Variants in POLK observed in about 807,000 individuals in gnomAD.
The protein encoded by POLK is polymerase (DNA directed) kappa.
In POLK, 76 loss-of-function variants were observed where a neutral mutation model predicts 94.0. The observed-to-expected ratio is 0.81, with a 90% CI of 0.67 to 0.98. POLK has a LOEUF of 0.98. Among genes scored for constraint, POLK ranks in the 50% least tolerant of loss-of-function variants. The pLI, the probability that POLK is intolerant of heterozygous loss-of-function variation, is 0.00. For synonymous variants in POLK, 349 were observed against 325.4 expected (o/e 1.07, Z -0.78); for missense variants, 954 against 1,010.1 (o/e 0.94, Z 0.75).
rs149007164 is a variant in POLK at position 75,566,983 on chromosome 5, G to T, written c.256-2357G>T. Among the ~76,000 whole-genome samples, 365 of 152,276 alleles carry T rather than the reference G, an allele frequency of 2.4e-3. 2 individuals carry two copies. Among genetic ancestry groups the T allele is most frequent in the Non-Finnish European group, 4.1e-3 (280 of 68,024 alleles). The stretch of plus-strand genomic sequence containing the variant: ...GAAGAAACTTTTAAAAGCAGTAGTG[G>T]CATGCATCTGGTTGATGTAGAAAGA... On this transcript the variant is annotated intron_variant, in intron 3 of 14. Coordinates refer to ENST00000241436, the Ensembl canonical transcript of POLK.
At chr5:75,574,012 T>C in intron 5 of POLK, 143 bp downstream of exon 5, 1 of 675,800 alleles carries the variant, frequency 1.5e-6, no homozygotes, top group South Asian at 1.8e-5. Context: ...TCAGCTTGTA[T>C]ATTGAATACT....
intron 2 of POLK, among the ~76,000 whole-genome samples, chr5:75,549,967 A>C (rs1770253377): frequency 6.6e-6 from 1 of 152,188 alleles, no homozygotes; most frequent in African/African-American, 2.4e-5. Context: ...CTATATAATA[A>C]GGAAATAAAT....
chr5:75,541,320 A>G (rs1769730167), intron 1 of POLK, among the ~76,000 whole-genome samples: 1 of 152,024 alleles, frequency 6.6e-6, no homozygotes, highest in African/African-American at 2.4e-5. Flanking sequence ...AAAAAACAAA[A>G]ACAAAAACTT....
chr5:75,592,997 A>G (rs1175416710), intron 11 of POLK, among the ~76,000 whole-genome samples: 2 of 152,176 alleles, frequency 1.3e-5, no homozygotes. Flanking sequence ...TCAAAGCTGC[A>G]GTGAGCCACG....
At chr5:75,585,804 C>T (rs950030995) in intron 9 of POLK, among the ~76,000 whole-genome samples, 3 of 152,182 alleles carry the variant, frequency 2.0e-5, no homozygotes, top group Non-Finnish European at 4.4e-5. Context: ...CTCAAAATGA[C>T]TCCTTTATAT....
intron 1 of POLK, among the ~76,000 whole-genome samples, chr5:75,532,119 G>C (rs140318893): frequency 6.6e-6 from 1 of 152,126 alleles, no homozygotes; most frequent in East Asian, 1.9e-4. Flanking sequence ...TAGGTTCAGG[G>C]GTACATGTAC....
chr5:75,585,666 C>T (rs575428542), intron 9 of POLK, among the ~76,000 whole-genome samples: 1 of 152,052 alleles, frequency 6.6e-6, no homozygotes, highest in South Asian at 2.1e-4. Context: ...AAAGAGGAAC[C>T]CTAGAGGTAG....
At chr5:75,529,043 C>T (rs1325993454) in intron 1 of POLK, among the ~76,000 whole-genome samples, 4 of 152,068 alleles carry the variant, frequency 2.6e-5, no homozygotes, top group African/African-American at 9.7e-5. Flanking sequence ...CTGTAGATTC[C>T]TTAGAATACC....
chr5:75,569,196 G>GATGGATGA (rs1409220507), intron 3 of POLK, 144 bp from the exon 4 acceptor site: 1 of 595,432 alleles, frequency 1.7e-6, no homozygotes, highest in Non-Finnish European at 2.9e-6. Context: ...TGGATGGGTG[G>GATGGATGA]ATGGATGAAT....
intron 1 of POLK, among the ~76,000 whole-genome samples, chr5:75,539,616 C>T (rs1769632919): frequency 6.6e-6 from 1 of 151,140 alleles, no homozygotes; most frequent in Non-Finnish European, 1.5e-5. Context: ...CCACTTCAGC[C>T]TCCCACGTTT....
intron 4 of POLK, among the ~76,000 whole-genome samples, chr5:75,572,519 C>G (rs1202411672): frequency 6.6e-6 from 1 of 152,096 alleles, no homozygotes; most frequent in Non-Finnish European, 1.5e-5. Context: ...TATTTTATGA[C>G]TATTCTATAC....
At chr5:75,544,183 AG>A (rs1439268922) in intron 1 of POLK, among the ~76,000 whole-genome samples, 1 of 152,172 alleles carries the variant, frequency 6.6e-6, no homozygotes, top group Non-Finnish European at 1.5e-5. Flanking sequence ...TGTGAAGAGT[AG>A]GCATTCAATA....
chr5:75,511,609 T>G, upstream of POLK: 1 of 1,470,686 alleles, frequency 6.8e-7, no homozygotes, highest in Non-Finnish European at 9.0e-7. Context: ...CGCCGCCATC[T>G]TCCTGCCTGG....
At chr5:75,536,847 T>C (rs756987524) in intron 1 of POLK, among the ~76,000 whole-genome samples, 10 of 152,200 alleles carry the variant, frequency 6.6e-5, no homozygotes, top group Non-Finnish European at 1.3e-4. Flanking sequence ...GGCTGGAAGC[T>C]CTCACAAGCA....
At chr5:75,598,400 T>G (rs1773199239) in exon 15 of POLK, 1 of 154,346 alleles carries the variant, frequency 6.5e-6, no homozygotes, top group Admixed American at 6.5e-5. Context: ...ACTACTTTGT[T>G]GGCATTGATC....
upstream of POLK, chr5:75,511,590 C>T: frequency 1.4e-6 from 2 of 1,466,170 alleles, no homozygotes; most frequent in South Asian, 2.8e-5. Flanking sequence ...CCACTCACAC[C>T]TCCGCTACCG....
At chr5:75,596,452 G>A (rs773759011) in exon 13 of POLK, 2 of 1,613,794 alleles carry the variant, frequency 1.2e-6, no homozygotes, top group Non-Finnish European at 1.7e-6. Context: ...TAAATGTGAA[G>A]CCGTGAATAA....
At chr5:75,557,469 C>G (rs770892803) in intron 3 of POLK, among the ~76,000 whole-genome samples, 37 of 152,162 alleles carry the variant, frequency 2.4e-4, no homozygotes, top group Non-Finnish European at 4.6e-4. Context: ...CATGGAATAT[C>G]TCTCCATTTA....
chr5:75,596,527 A>G lies in POLK; in HGVS notation c.1834A>G (p.Ile612Val), dbSNP rs3822587. ...GAAGAAGATGAATGAGAATTTGGAA[A>G]TATCAGAGAATTCAGATGACTGTCA... The change falls in exon 13 of 15, where the codon ATA (isoleucine) becomes GTA (valine). Residue 612 changes from isoleucine to valine, a missense_variant. By Grantham distance (29) the Ile-to-Val change is conservative. Transcript: ENST00000241436. 9.3e-4 allele frequency: 1,506 copies of G among 1,614,018 alleles called. 10 individuals carry two copies. In the East Asian group the frequency reaches 0.021, roughly 22 times the overall value.
Sources: allele counts gnomAD v4.1 joint callset (sites outside exome capture counted in the v4.1 genomes callset), GRCh38; gene constraint gnomAD v4.1.1; transcripts MANE v1.5; gene names NCBI Gene and HGNC (gene_info 2026-07-23, HGNC 2026-07-21).